The following ALDH18A1 variants were observed in gnomAD, a reference collection of about 807,000 sequenced individuals.
The protein encoded by ALDH18A1 is delta-1-pyrroline-5-carboxylate synthase.
A neutral mutation model predicts 88.8 loss-of-function variants in ALDH18A1; 44 were observed. The ratio of observed to expected loss-of-function variants is 0.50; its 90% CI spans 0.39 to 0.64. ALDH18A1 has a LOEUF of 0.64. Ranked by LOEUF, ALDH18A1 falls within the 30% of genes least tolerant of loss-of-function variation. The pLI is 0.00. For synonymous variants in ALDH18A1, 331 were observed against 372.1 expected, an observed-to-expected ratio of 0.89 and a Z score of 1.27; for missense variants, 782 against 1,009.5, an observed-to-expected ratio of 0.77 and a Z score of 3.05.
chr10:95,647,606 T>C (rs987434967), intron 2 of ALDH18A1, among the ~76,000 whole-genome samples: 2 of 152,226 alleles, frequency 1.3e-5, no homozygotes, highest in Non-Finnish European at 2.9e-5. Flanking sequence ...AAGGCAGGAC[T>C]CTAATTTGAT....
At chr10:95,625,304 A>G in intron 11 of ALDH18A1, 58 bp downstream of exon 11, 1 of 1,476,696 alleles carries the variant, frequency 6.8e-7, no homozygotes, top group Middle Eastern at 1.7e-4. Context: ...AGTAAAACTA[A>G]AAACCAAAAT....
intron 13 of ALDH18A1, 32 bp from the exon 14 acceptor site, chr10:95,614,193 G>A (rs746989304): frequency 2.4e-5 from 39 of 1,606,106 alleles, no homozygotes; most frequent in Non-Finnish European, 3.3e-5. Flanking sequence ...AGATAAAGAT[G>A]ACATCTGACC....
At chr10:95,621,316 G>C in intron 11 of ALDH18A1, 65 bp from the exon 12 acceptor site, 1 of 1,165,980 alleles carries the variant, frequency 8.6e-7, no homozygotes. Context: ...ACCAACCGAT[G>C]TGTCTTTTTT....
At chr10:95,640,928 C>G (rs1444601829) in intron 3 of ALDH18A1, among the ~76,000 whole-genome samples, 1 of 152,178 alleles carries the variant, frequency 6.6e-6, no homozygotes, top group Non-Finnish European at 1.5e-5. Context: ...AGAGCTCTGC[C>G]TAATGGAATG....
rs1051818856 is a variant in ALDH18A1 at position 95,621,359 on chromosome 10, G to A, written c.1247-108C>T. 145 of 1,037,000 alleles carry A rather than the reference G, an allele frequency of 1.4e-4. 1 individual carries two copies. The highest frequency in any genetic ancestry group is 7.7e-4 in the South Asian group (55 of 71,644). 64.2% of individuals were successfully genotyped at this position (1,037,000 alleles called of 1,614,324 possible). On this transcript the variant is annotated intron_variant, in intron 11 of 17. Coordinates refer to ENST00000371224, the MANE Select transcript of ALDH18A1 (RefSeq NM_002860.4). ...TTTTGAGACAGGGTCTCACTCTGACGCCCAGGCTGGAGTGCAGTGGCATGA... is the reference window on the plus strand; with the variant it reads ...TTTTGAGACAGGGTCTCACTCTGACACCCAGGCTGGAGTGCAGTGGCATGA...
chr10:95,656,133 C>T (rs1351037775), intron 1 of ALDH18A1, among the ~76,000 whole-genome samples: 1 of 152,166 alleles, frequency 6.6e-6, no homozygotes, highest in Non-Finnish European at 1.5e-5. Flanking sequence ...AACTAGGGAC[C>T]CAGGCCCCTG....
Position 95,606,768 on chromosome 10 carries a change from G to A in ALDH18A1, c.2382C>T (p.Thr794=). ...HENLPIPQRN[T]N is the part of the protein sequence containing the mutation. ...CGGGTTTTCCTGGCTCTTTTCAGTTGGTGTTTCTCTGAGGAATAGGGAGGT... is the reference window on the plus strand; with the variant it reads ...CGGGTTTTCCTGGCTCTTTTCAGTTAGTGTTTCTCTGAGGAATAGGGAGGT... Residue 794 remains threonine (T), a synonymous_variant, in exon 18 of 18, where the codon ACC becomes ACT. Coordinates refer to ENST00000371224, the MANE Select transcript of ALDH18A1 (RefSeq NM_002860.4). 4 of 1,614,062 alleles carry A rather than the reference G, an allele frequency of 2.5e-6. No homozygotes were observed. The highest frequency in any genetic ancestry group is 1.7e-6 in the Non-Finnish European group (2 of 1,179,976).
At chr10:95,627,337 A>G (rs1566018417) in intron 9 of ALDH18A1, 105 bp downstream of exon 9, 2 of 1,481,888 alleles carry the variant, frequency 1.3e-6, no homozygotes, top group Non-Finnish European at 1.9e-6. Flanking sequence ...GTTCAAAACA[A>G]TGCCATATTT....
At chr10:95,607,093 T>C (rs2097824163) in intron 17 of ALDH18A1, 150 bp from the exon 18 acceptor site, 1 of 770,380 alleles carries the variant, frequency 1.3e-6, no homozygotes, top group Non-Finnish European at 2.3e-6. Flanking sequence ...TGAGTCACCC[T>C]GTTCCCATAA....
chr10:95,632,872 G>A, intron 7 of ALDH18A1, 87 bp downstream of exon 7: 1 of 1,135,632 alleles, frequency 8.8e-7, no homozygotes, highest in South Asian at 1.3e-5. Context: ...ACATCAGAGG[G>A]ACTCAAAGAA....
At position 95,643,348 on chromosome 10, in the gene ALDH18A1, T is replaced by C. The variant is rs117819105; in HGVS notation, c.89-142A>G. On this transcript the variant is annotated intron_variant, in intron 2 of 17. Transcript: ENST00000371224. The stretch of plus-strand genomic sequence containing the variant: ...TTAACTGTGTAAAACTAGCACAGTG[T>C]ATCAAAAGCTCTATCTAGCGTATTC... 8,098 of 859,396 alleles carry C rather than the reference T, an allele frequency of 9.4e-3. 68 individuals carry two copies. The highest frequency in any genetic ancestry group is 0.013 in the Non-Finnish European group (6,941 of 536,174). 53.2% of individuals were successfully genotyped at this position (859,396 alleles called of 1,614,324 possible). A position where few individuals can be genotyped will look rare whatever the true frequency, so the allele number is the denominator to read the frequency against.
At position 95,627,561 on chromosome 10, in the gene ALDH18A1, T is replaced by C. The variant is rs143635402; in HGVS notation, c.959A>G (p.Gln320Arg). 2.2e-5 allele frequency: 36 copies of C among 1,614,018 alleles called. No homozygotes were observed. The African/African-American group carries it at 4.8e-4, about 22-fold the overall frequency. Residue 320 changes from glutamine to arginine, a missense_variant, in exon 9 of 18, where the codon CAA becomes CGA. Physicochemically the swap from Gln to Arg is conservative, Grantham distance 43 (BLOSUM62 1). Coordinates refer to ENST00000371224, the MANE Select transcript of ALDH18A1 (RefSeq NM_002860.4). ...GGCAATAACAACAGAAGTGCCACCT[T>C]GCAAAGCCCAGAGGGCTGCTTTCAC... ...AKVKAALWAL[Q>R]GGTSVVIANG...
At chr10:95,624,251 T>C (rs1199153308) in intron 11 of ALDH18A1, among the ~76,000 whole-genome samples, 1 of 152,240 alleles carries the variant, frequency 6.6e-6, no homozygotes, top group Non-Finnish European at 1.5e-5. Context: ...TGTGTCCTTA[T>C]GCATGTTCAG....
chr10:95,637,807 A>G (rs1052612030), intron 3 of ALDH18A1, among the ~76,000 whole-genome samples: 1 of 152,058 alleles, frequency 6.6e-6, no homozygotes, highest in Non-Finnish European at 1.5e-5. Context: ...AATCTCTACA[A>G]AAAGTACAAA....
At chr10:95,655,332 A>C (rs960067530) in intron 1 of ALDH18A1, among the ~76,000 whole-genome samples, 2 of 152,218 alleles carry the variant, frequency 1.3e-5, no homozygotes, top group Non-Finnish European at 2.9e-5. Flanking sequence ...GCTTGGGTAC[A>C]ACAAATGGTC....
intron 12 of ALDH18A1, among the ~76,000 whole-genome samples, chr10:95,620,172 C>T (rs1295666185): frequency 1.3e-5 from 2 of 152,174 alleles, no homozygotes; most frequent in African/African-American, 4.8e-5. Flanking sequence ...AGCCAACAGA[C>T]ACATGAAAAA....
chr10:95,610,529 G>T (rs1182127382), intron 16 of ALDH18A1, among the ~76,000 whole-genome samples: 3 of 152,158 alleles, frequency 2.0e-5, no homozygotes, highest in African/African-American at 7.2e-5. Flanking sequence ...CTCCCATGCA[G>T]GTGACCTGCC....
intron 1 of ALDH18A1, among the ~76,000 whole-genome samples, chr10:95,654,546 C>T (rs12251664): frequency 0.34 from 51,941 of 151,396 alleles, 9,530 homozygotes; most frequent in East Asian, 0.7. Flanking sequence ...GGATATATCC[C>T]AGCCCTCTTA....
In ALDH18A1 at chr10:95,610,119, T is replaced by C. The variant is rs1028885656; in HGVS notation, c.2206+78A>G. On this transcript the variant is annotated intron_variant, in intron 17 of 17. Transcript: ENST00000371224. ...CATGTGACAGTCAAGGGGAGGTGTC[T>C]TTCCCACCTCAACATACCCCTAGAC... is the stretch of plus-strand genomic sequence containing the variant. The C allele has an allele frequency of 9.4e-6, 13 of 1,381,362 alleles. No homozygotes were observed. The African/African-American group carries it at 1.6e-4, about 17-fold the overall frequency. The allele number at this position is 1,381,362 out of a possible 1,614,324, so 85.6% of individuals were successfully genotyped here.
Sources: gnomAD v4.1 joint callset for allele counts (sites outside exome capture counted in the v4.1 genomes callset) on GRCh38, gnomAD v4.1.1 for gene constraint, MANE v1.5 for transcripts, NCBI Gene and HGNC (gene_info 2026-07-23, HGNC 2026-07-21) for gene names.